Variants in AK7 observed in about 807,000 individuals in gnomAD.
The protein encoded by AK7 is adenylate kinase 7.
Under a neutral mutation model 96.6 loss-of-function variants are expected in AK7, and 78 were observed. That is an observed-to-expected ratio of 0.81 (90% CI 0.67 to 0.97). The LOEUF is 0.97. Among genes scored for constraint, AK7 ranks in the 50% least tolerant of loss-of-function variants. The pLI, the probability that AK7 is intolerant of heterozygous loss-of-function variation, is 0.00. For missense variants in AK7, 855 were observed against 887.9 expected (o/e 0.96, Z 0.47); for synonymous variants, 302 against 317.2 (o/e 0.95, Z 0.51).
intron 2 of AK7, among the ~76,000 whole-genome samples, chr14:96,403,988 GA>G (rs200072648): frequency 2.0e-5 from 3 of 148,986 alleles, no homozygotes; most frequent in Admixed American, 6.7e-5. Flanking sequence ...CTACAAAAAA[GA>G]AAAAAAAAGC....
At chr14:96,451,650 G>A in intron 10 of AK7, 80 bp downstream of exon 10, 4 of 1,296,764 alleles carry the variant, frequency 3.1e-6, no homozygotes, top group Non-Finnish European at 4.0e-6. Context: ...GCCAACGGAA[G>A]TATTTGCTTT....
intron 7 of AK7, among the ~76,000 whole-genome samples, chr14:96,443,615 C>T (rs1271895597): frequency 6.6e-6 from 1 of 152,060 alleles, no homozygotes; most frequent in Non-Finnish European, 1.5e-5. Context: ...GACCCTGAAC[C>T]TAATTTTTAT....
chr14:96,418,631 G>C (rs1453193433), intron 4 of AK7, among the ~76,000 whole-genome samples: 1 of 152,038 alleles, frequency 6.6e-6, no homozygotes, highest in African/African-American at 2.4e-5. Flanking sequence ...CGATTCTCCT[G>C]CCTCAGCCTC....
chr14:96,474,658 A>C (rs1895081186), intron 14 of AK7, among the ~76,000 whole-genome samples: 1 of 152,068 alleles, frequency 6.6e-6, no homozygotes, highest in Non-Finnish European at 1.5e-5. Context: ...AATAAAAAGT[A>C]AAGTTTGTTC....
chr14:96,404,798 T>C lies in AK7; in HGVS notation c.336T>C (p.Cys112=). Residue 112 remains cysteine (C), a synonymous_variant, in exon 3 of 18, where the codon TGT becomes TGC. Transcript: ENST00000267584. ...REDLLMRLLE[C]DVIIYNITES... Reference sequence around the variant, plus strand: ...ACCTTCTCATGCGCCTGCTGGAGTGTGATGTTATTATTTATAACATCACTG... The same window carrying C: ...ACCTTCTCATGCGCCTGCTGGAGTGCGATGTTATTATTTATAACATCACTG... 6.2e-7 allele frequency: 1 copy of C among 1,611,250 alleles called. No individual in the cohort carries two copies. The highest frequency in any genetic ancestry group is 8.5e-7 in the Non-Finnish European group (1 of 1,177,738).
intron 4 of AK7, among the ~76,000 whole-genome samples, chr14:96,411,311 A>C (rs1891013445): frequency 6.6e-6 from 1 of 152,196 alleles, no homozygotes; most frequent in Admixed American, 6.6e-5. Flanking sequence ...GGAGTTTGAG[A>C]GCAGCCTGGT....
At chr14:96,409,016 T>A in intron 4 of AK7, 75 bp downstream of exon 4, 1 of 1,462,862 alleles carries the variant, frequency 6.8e-7, no homozygotes, top group Non-Finnish European at 9.5e-7. Context: ...GGAGGGAACT[T>A]CCTATGGCGA....
At chr14:96,413,993 T>C (rs929997132) in intron 4 of AK7, among the ~76,000 whole-genome samples, 14 of 152,290 alleles carry the variant, frequency 9.2e-5, no homozygotes, top group African/African-American at 3.4e-4. Context: ...TTGCCGATGA[T>C]TGGCTAAGGG....
At position 96,451,405 on chromosome 14, in the gene AK7, G is replaced by T; in HGVS notation, c.949-16G>T. ...AACAAAAAAAGACAAATCTCTAATT[G>T]TCCTCTATCTTTCAGCAAGATTGTC... is the stretch of plus-strand genomic sequence containing the variant. On this transcript the variant is annotated splice_polypyrimidine_tract_variant and intron_variant, in intron 9 of 17. Coordinates refer to ENST00000267584, the MANE Select transcript of AK7 (RefSeq NM_152327.5). 6.5e-7 allele frequency: 1 copy of T among 1,545,684 alleles called. No individual in the cohort carries two copies.
intron 2 of AK7, among the ~76,000 whole-genome samples, chr14:96,400,216 CT>C (rs1324979859): frequency 1.3e-5 from 2 of 151,786 alleles, no homozygotes; most frequent in Non-Finnish European, 2.9e-5. Flanking sequence ...TTTTTTGTAT[CT>C]TTAGTGGATA....
At chr14:96,445,395 C>T (rs1893179762) in intron 7 of AK7, among the ~76,000 whole-genome samples, 3 of 152,196 alleles carry the variant, frequency 2.0e-5, no homozygotes, top group East Asian at 3.9e-4. Flanking sequence ...TGCAGTGGCT[C>T]ATGCCTGTAA....
chr14:96,474,151 G>A (rs576653866), intron 14 of AK7, among the ~76,000 whole-genome samples: 4 of 152,248 alleles, frequency 2.6e-5, no homozygotes, highest in African/African-American at 9.6e-5. Flanking sequence ...TTAGGACAAG[G>A]CTGTAACTGA....
Position 96,473,131 on chromosome 14 carries a change from C to T in AK7, c.1555+376C>T, listed in dbSNP as rs980136737. Among the ~76,000 whole-genome samples the T allele has an allele frequency of 4.6e-5, 7 of 151,512 alleles. No individual in the cohort carries two copies. In the East Asian group the frequency reaches 5.8e-4, roughly 13 times the overall value. ...CTCTCTCTTTTCTCTTTGTTTTCCC[C>T]GGTAACTGGGACTACAGGTGCCTGC... On this transcript the variant is annotated intron_variant, in intron 14 of 17. Transcript: ENST00000267584.
intron 12 of AK7, among the ~76,000 whole-genome samples, chr14:96,466,117 G>A (rs1043401581): frequency 6.6e-6 from 1 of 152,020 alleles, no homozygotes; most frequent in Non-Finnish European, 1.5e-5. Context: ...ACCCAGGCTG[G>A]AGTGCAGTGG....
intron 13 of AK7, among the ~76,000 whole-genome samples, 167 bp downstream of exon 13, chr14:96,471,773 C>T (rs11628908): frequency 0.081 from 12,243 of 150,462 alleles, 1,057 homozygotes; most frequent in African/African-American, 0.22. Context: ...TTTTTTTTTC[C>T]CCCTGGATGG....
intron 12 of AK7, 98 bp from the exon 13 acceptor site, chr14:96,471,380 C>A: frequency 1.7e-6 from 1 of 587,872 alleles, no homozygotes; most frequent in Non-Finnish European, 2.6e-6. Context: ...CCAATAGTAC[C>A]TTTGACTACA....
chr14:96,449,826 G>A lies in AK7; in HGVS notation c.895G>A (p.Gly299Arg), dbSNP rs764347551. 6.2e-7 allele frequency: 1 copy of A among 1,610,644 alleles called. No homozygotes were observed. Among genetic ancestry groups the A allele is most frequent in the South Asian group, 1.1e-5 (1 of 90,778 alleles). ...GTGTATCAGTAAAAATACTGGCCCT[G>A]GGAAAATCCAGAAAATACCCAGAGA... ...VKCISKNTGP[G>R]KIQKIPRENA... Residue 299 changes from glycine to arginine, a missense_variant, in exon 9 of 18, where the codon GGG becomes AGG. Physicochemically the swap from Gly to Arg is moderately radical, Grantham distance 125 (BLOSUM62 -2). Coordinates refer to ENST00000267584, the MANE Select transcript of AK7 (RefSeq NM_152327.5).
At position 96,488,318 on chromosome 14, in the gene AK7, T is replaced by C. The variant is rs747771685; in HGVS notation, c.2147T>C (p.Phe716Ser). The C allele has an allele frequency of 1.2e-6, 2 of 1,612,254 alleles. No individual in the cohort carries two copies. The highest frequency in any genetic ancestry group is 1.7e-6 in the Non-Finnish European group (2 of 1,178,688). ...DPVDFLAEYL[F>S]KNNPEAQ ...TTTAAATTGTAGGCAGAATATCTCT[T>C]CAAGAACAATCCTGAAGCACAGTGA... The change falls in exon 18 of 18, where the codon TTC (phenylalanine) becomes TCC (serine). Residue 716 changes from phenylalanine to serine, a missense_variant. Transcript: ENST00000267584.
intron 3 of AK7, among the ~76,000 whole-genome samples, chr14:96,407,575 C>CTTTTTTTT (rs1288121196): frequency 5.7e-4 from 31 of 54,770 alleles, no homozygotes; most frequent in South Asian, 1.4e-3. Context: ...TTCTTTCTTT[C>CTTTTTTTT]TTTTCTTTTT....
Sources: allele counts gnomAD v4.1 joint callset (sites outside exome capture counted in the v4.1 genomes callset), GRCh38; gene constraint gnomAD v4.1.1; transcripts MANE v1.5; gene names NCBI Gene and HGNC (gene_info 2026-07-23, HGNC 2026-07-21).